Variants in LRRC43 observed in about 807,000 individuals in gnomAD.
The protein encoded by LRRC43 is leucine-rich repeat-containing protein 43.
LRRC43 carries 62 observed loss-of-function variants against 64.3 expected under a neutral mutation model. That is an observed-to-expected ratio of 0.96 (90% CI 0.79 to 1.19). The LOEUF (loss-of-function observed/expected upper bound fraction) is 1.19. LRRC43 is among the 50% of genes most tolerant of loss of function. The pLI is 0.00. For missense variants in LRRC43, 868 were observed against 845.0 expected, an observed-to-expected ratio of 1.03 and a Z score of -0.34; for synonymous variants, 422 against 382.3, an observed-to-expected ratio of 1.10 and a Z score of -1.21.
chr12:122,169,370 T>G (rs1953465340), intron 1 of LRRC43, among the ~76,000 whole-genome samples: 1 of 152,206 alleles, frequency 6.6e-6, no homozygotes, highest in African/African-American at 2.4e-5. Context: ...TACTGTGGTG[T>G]TCTAATGATG....
Position 122,200,812 on chromosome 12 carries a change from C to T in LRRC43, c.1687C>T (p.Gln563Ter), listed in dbSNP as rs1359284805. Residue 563 changes from glutamine (Q) to a stop codon, truncating the protein, a stop_gained, in exon 10 of 12, where the codon CAG becomes TAG. Coordinates refer to ENST00000339777, the MANE Select transcript of LRRC43 (RefSeq NM_001098519.2). LOFTEE classifies it high-confidence loss of function. The surrounding 1 kb of genome is among the most constrained non-coding windows in gnomAD (Gnocchi z 4.6). ...GCTCCGGCAGGACCCCCCCATCCTC[C>T]AGGTGCTGGGCCGGGGCCTGGTGAT... is the stretch of plus-strand genomic sequence containing the variant. ...KELRQDPPILQVLGRGLVILE... is the reference protein window; with the variant it reads ...KELRQDPPIL 13 of 1,613,186 alleles carry T rather than the reference C, an allele frequency of 8.1e-6. No homozygotes were observed. Among genetic ancestry groups the T allele is most frequent in the Non-Finnish European group, 1.1e-5 (13 of 1,180,024 alleles).
rs776945603 is a variant in LRRC43 at position 122,200,803 on chromosome 12, C to T, written c.1678C>T (p.Pro560Ser). Reference protein sequence around the residue: ...EPPKELRQDPPILQVLGRGLV... With the variant: ...EPPKELRQDPSILQVLGRGLV... ...GCCCAAGGAGCTCCGGCAGGACCCCCCCATCCTCCAGGTGCTGGGCCGGGG... is the reference window on the plus strand; with the variant it reads ...GCCCAAGGAGCTCCGGCAGGACCCCTCCATCCTCCAGGTGCTGGGCCGGGG... The change falls in exon 10 of 12, where the codon CCC becomes TCC. Residue 560 changes from proline to serine, a missense_variant. By Grantham distance (74) the Pro-to-Ser change is moderately conservative. Coordinates refer to ENST00000339777, the MANE Select transcript of LRRC43 (RefSeq NM_001098519.2). The surrounding 1 kb of genome is among the most constrained non-coding windows in gnomAD (Gnocchi z 4.6). The T allele has an allele frequency of 2.5e-6, 4 of 1,613,114 alleles. No individual in the cohort carries two copies. Among genetic ancestry groups the T allele is most frequent in the Non-Finnish European group, 2.5e-6 (3 of 1,180,024 alleles).
Position 122,192,912 on chromosome 12 carries a change from G to A in LRRC43, c.1257G>A (p.Gly419=), listed in dbSNP as rs1953734751. 6.2e-7 allele frequency: 1 copy of A among 1,614,046 alleles called. No homozygotes were observed. The highest frequency in any genetic ancestry group is 1.3e-5 in the African/African-American group (1 of 74,930). ...SGESELSVIS[G]PSTILQMPRA... is the part of the protein sequence containing the mutation. The stretch of plus-strand genomic sequence containing the variant: ...AGTCGGAGCTGTCTGTCATCTCGGG[G>A]CCTTCGACCATCTTGCAGATGCCGA... Residue 419 remains glycine (G), a synonymous_variant, in exon 7 of 12, where the codon GGG becomes GGA. Coordinates refer to ENST00000339777, the MANE Select transcript of LRRC43 (RefSeq NM_001098519.2).
chr12:122,183,789 G>C (rs140642974), intron 1 of LRRC43, among the ~76,000 whole-genome samples: 82 of 152,252 alleles, frequency 5.4e-4, no homozygotes, highest in African/African-American at 1.9e-3. Context: ...GGGGCGCCCA[G>C]GTGTGGCCCA....
intron 4 of LRRC43, chr12:122,189,659 C>T (rs1210970566): frequency 1.1e-5 from 4 of 367,480 alleles, no homozygotes; most frequent in Admixed American, 3.5e-5. Context: ...GCTTCTAGAC[C>T]GCCCAGCCCT....
chr12:122,190,642 C>T (rs1465634656), intron 5 of LRRC43, among the ~76,000 whole-genome samples: 1 of 152,164 alleles, frequency 6.6e-6, no homozygotes, highest in Non-Finnish European at 1.5e-5. Flanking sequence ...GCAGACAGAT[C>T]GCTTGAAGTC....
rs1184984410 is a variant in LRRC43, at chr12:122,187,822, A to AAT, written c.644_645insAT (p.Tyr215Ter). 27 of 1,614,102 alleles carry AAT rather than the reference A, an allele frequency of 1.7e-5. No homozygotes were observed. The highest frequency in any genetic ancestry group is 2.2e-5 in the Non-Finnish European group (26 of 1,180,004). ...CTTCTAGGCCCCTTGGAAAGTCTCT[A>AAT]CGTCACCGCTAATCACTGGTAACTC... ...NKLLGPLESL[Y>*]VTANHWPNLV... The change falls in exon 4 of 12, where the codon TAC (tyrosine) becomes TAATC (stop). Residue 215 changes from tyrosine to a stop codon, truncating the protein, a stop_gained and frameshift_variant. Coordinates refer to ENST00000339777, the MANE Select transcript of LRRC43 (RefSeq NM_001098519.2). LOFTEE classifies it high-confidence loss of function.
Position 122,184,400 on chromosome 12 carries a change from C to G in LRRC43, c.151-119C>G. 7.5e-7 allele frequency: 1 copy of G among 1,329,822 alleles called. No individual in the cohort carries two copies. The highest frequency in any genetic ancestry group is 1.0e-6 in the Non-Finnish European group (1 of 985,600). The allele number at this position is 1,329,822 out of a possible 1,614,324, so 82.4% of individuals were successfully genotyped here. ...TGAGCCACCGCACCTGGCCTACTCT[C>G]TAGATTTCTAAACTCTATCCCTAAT... On this transcript the variant is annotated intron_variant, in intron 1 of 11. Coordinates refer to ENST00000339777, the MANE Select transcript of LRRC43 (RefSeq NM_001098519.2). This position sits in a 1 kb window ranked among gnomAD's most constrained non-coding sequence, Gnocchi z 4.0.
intron 1 of LRRC43, among the ~76,000 whole-genome samples, chr12:122,171,802 C>T (rs1953487740): frequency 6.6e-6 from 1 of 152,126 alleles, no homozygotes; most frequent in African/African-American, 2.4e-5. Context: ...CTCCTGGGCT[C>T]AAGTGATCCT....
chr12:122,186,213 C>T lies in LRRC43; in HGVS notation c.435C>T (p.Leu145=). 6.2e-7 allele frequency: 1 copy of T among 1,600,724 alleles called. No homozygotes were observed. Among genetic ancestry groups the T allele is most frequent in the Non-Finnish European group, 8.5e-7 (1 of 1,173,942 alleles). The change falls in exon 3 of 12, where the codon CTC becomes CTT. Residue 145 remains leucine (L), a synonymous_variant. Transcript: ENST00000339777. ...AGGTCACCCTGGTGGATAAAGACCT[C>T]CTGAAATTTCTAAAGCTGGAGGAGT... The part of the protein sequence containing the change: ...DKKVTLVDKD[L]LKFLKLEELV...
chr12:122,168,057 C>G (rs1008828253), intron 1 of LRRC43, among the ~76,000 whole-genome samples: 6 of 149,276 alleles, frequency 4.0e-5, no homozygotes, highest in African/African-American at 1.5e-4. Flanking sequence ...TCAGGTGATC[C>G]ACCAGCCTCA....
At chr12:122,189,977 C>A in intron 4 of LRRC43, 153 bp from the exon 5 acceptor site, 2 of 704,842 alleles carry the variant, frequency 2.8e-6, no homozygotes. Flanking sequence ...CGTTCCCGAC[C>A]CGGGGTTAAC....
At chr12:122,192,576 G>C (rs1337615253) in intron 6 of LRRC43, among the ~76,000 whole-genome samples, 169 bp from the exon 7 acceptor site, 2 of 152,230 alleles carry the variant, frequency 1.3e-5, no homozygotes, top group African/African-American at 4.8e-5. Flanking sequence ...AGGTCTTTCA[G>C]AAAAGACAAA....
intron 1 of LRRC43, among the ~76,000 whole-genome samples, chr12:122,170,054 GCCTCAGCCTC>G (rs1953471835): frequency 6.6e-6 from 1 of 152,058 alleles, no homozygotes; most frequent in Non-Finnish European, 1.5e-5. Flanking sequence ...TGATGTTCCT[GCCTCAGCCTC>G]CCAAAGTGCT....
chr12:122,185,121 G>T (rs568236649), intron 2 of LRRC43, among the ~76,000 whole-genome samples: 68 of 152,260 alleles, frequency 4.5e-4, no homozygotes, highest in African/African-American at 1.6e-3. Flanking sequence ...GGTAGGGGAA[G>T]GTTGGTGTAG....
intron 11 of LRRC43, among the ~76,000 whole-genome samples, chr12:122,202,866 C>T (rs1247811027): frequency 6.6e-6 from 1 of 152,092 alleles, no homozygotes; most frequent in Admixed American, 6.5e-5. Context: ...CCTAGGCAGG[C>T]GGATCACTTG....
intron 1 of LRRC43, chr12:122,173,794 G>A (rs764946730): frequency 2.6e-6 from 4 of 1,552,378 alleles, no homozygotes; most frequent in Non-Finnish European, 3.5e-6. Flanking sequence ...GAGGGCAATG[G>A]AAGGCATTTT....
rs780102378 is a variant in LRRC43, at chr12:122,184,480, G to C, written c.151-39G>C. On this transcript the variant is annotated intron_variant, in intron 1 of 11. Coordinates refer to ENST00000339777, the MANE Select transcript of LRRC43 (RefSeq NM_001098519.2). This position sits in a 1 kb window ranked among gnomAD's most constrained non-coding sequence, Gnocchi z 4.0. ...AGAGTTTGGTGTCCTTAAGGGGGCTGTGTCACACCTACAGAAAATCCCTCC... is the reference window on the plus strand; with the variant it reads ...AGAGTTTGGTGTCCTTAAGGGGGCTCTGTCACACCTACAGAAAATCCCTCC... 1 of 1,604,442 alleles carries C rather than the reference G, an allele frequency of 6.2e-7. No homozygotes were observed. The highest frequency in any genetic ancestry group is 8.5e-7 in the Non-Finnish European group (1 of 1,175,070).
Position 122,175,209 on chromosome 12 carries a change from G to A in LRRC43, c.-406+7427G>A, listed in dbSNP as rs1370747060. On this transcript the variant is annotated intron_variant, in intron 1 of 5. Coordinates refer to the LRRC43 transcript ENST00000537729. ...TTTTGAGACAGAGTCTTGCTCTGTC[G>A]CCTGGGCTGGAGTGCAGTAGCGCAA... 8.0e-5 allele frequency among the ~76,000 whole-genome samples: 12 copies of A among 149,844 alleles called. No homozygotes were observed. The South Asian group carries it at 1.3e-3, about 16-fold the overall frequency.
Sources: allele counts gnomAD v4.1 joint callset (sites outside exome capture counted in the v4.1 genomes callset), GRCh38; gene constraint gnomAD v4.1.1; non-coding constraint Gnocchi (gnomAD v3.1); transcripts MANE v1.5; gene names NCBI Gene and HGNC (gene_info 2026-07-23, HGNC 2026-07-21).